FGF12: variants seen among roughly 807,000 people sequenced by gnomAD.
FGF12 encodes the protein fibroblast growth factor 12B.
A neutral mutation model predicts 23.6 loss-of-function variants in FGF12; 14 were observed. The ratio of observed to expected loss-of-function variants is 0.59; its 90% CI spans 0.39 to 0.93. FGF12 has a LOEUF of 0.93. Among genes scored for constraint, FGF12 ranks in the 40% least tolerant of loss-of-function variants. The pLI, the probability that FGF12 is intolerant of heterozygous loss-of-function variation, is 0.00. For missense variants in FGF12, 175 were observed against 217.8 expected, an observed-to-expected ratio of 0.80 and a Z score of 1.24; for synonymous variants, 62 against 77.3, an observed-to-expected ratio of 0.80 and a Z score of 1.04.
At chr3:192,517,390 A>T (rs998226226) in intron 2 of FGF12, among the ~76,000 whole-genome samples, 2 of 152,226 alleles carry the variant, frequency 1.3e-5, no homozygotes, top group African/African-American at 2.4e-5. Flanking sequence ...GGAAGCATTT[A>T]TGTGTGAGTC....
At chr3:192,669,139 G>A (rs550614440) in intron 2 of FGF12, among the ~76,000 whole-genome samples, 75 of 152,162 alleles carry the variant, frequency 4.9e-4, no homozygotes, top group Non-Finnish European at 8.1e-4. Context: ...ACGCTAAATC[G>A]TATATGTTAG....
chr3:192,433,703 T>G (rs562864369), intron 2 of FGF12, among the ~76,000 whole-genome samples: 1 of 152,260 alleles, frequency 6.6e-6, no homozygotes, highest in Admixed American at 6.5e-5. Flanking sequence ...TTTAGACTAG[T>G]ATCAAATTTG....
intron 2 of FGF12, among the ~76,000 whole-genome samples, chr3:192,428,359 C>G (rs1392037023): frequency 6.6e-6 from 1 of 152,124 alleles, no homozygotes; most frequent in Non-Finnish European, 1.5e-5. Context: ...AAGGGGGAAA[C>G]AGTTCACATG....
chr3:192,622,074 T>C (rs576175599), intron 2 of FGF12, among the ~76,000 whole-genome samples: 1 of 152,266 alleles, frequency 6.6e-6, no homozygotes, highest in South Asian at 2.1e-4. Flanking sequence ...AATTTTGCTG[T>C]TGTCAAATGG....
chr3:192,556,280 G>A (rs1711770185), intron 2 of FGF12, among the ~76,000 whole-genome samples: 1 of 152,078 alleles, frequency 6.6e-6, no homozygotes, highest in Admixed American at 6.5e-5. Flanking sequence ...AACAAATCTT[G>A]CTTTAGATTT....
rs145700010 is a variant in FGF12, at chr3:192,491,146, C to A, written c.14-130608G>T. On this transcript the variant is annotated intron_variant, in intron 2 of 5. Transcript: ENST00000445105. ...TGGTTCCTTCTTCACTTCTATTTAA[C>A]CTTTTTCTCTCTTATTCCTCCATAG... Among the ~76,000 whole-genome samples the A allele has an allele frequency of 7.5e-3, 1,139 of 152,264 alleles. 8 individuals carry two copies. Among genetic ancestry groups the A allele is most frequent in the African/African-American group, 9.3e-3 (385 of 41,568 alleles).
At chr3:192,645,536 A>G (rs1363345590) in intron 2 of FGF12, among the ~76,000 whole-genome samples, 3 of 152,086 alleles carry the variant, frequency 2.0e-5, no homozygotes, top group Non-Finnish European at 4.4e-5. Flanking sequence ...GTCCAGTTTC[A>G]GAACTGCTGA....
chr3:192,385,066 G>A (rs958896472), intron 2 of FGF12, among the ~76,000 whole-genome samples: 5 of 152,264 alleles, frequency 3.3e-5, no homozygotes, highest in Middle Eastern at 3.4e-3. Context: ...CAGGAAGCAG[G>A]TACATAGACT....
intron 2 of FGF12, among the ~76,000 whole-genome samples, chr3:192,372,027 C>A (rs904056380): frequency 6.6e-6 from 1 of 151,558 alleles, no homozygotes; most frequent in Non-Finnish European, 1.5e-5. Context: ...CCTCCTGTCA[C>A]AAAAAAAAGT....
intron 2 of FGF12, among the ~76,000 whole-genome samples, chr3:192,532,158 T>C (rs1725103998): frequency 6.6e-6 from 1 of 152,196 alleles, no homozygotes; most frequent in Non-Finnish European, 1.5e-5. Flanking sequence ...TATAGTCTTG[T>C]AGTATAATTT....
At chr3:192,459,843 G>A (rs1245949292) in intron 2 of FGF12, among the ~76,000 whole-genome samples, 1 of 151,222 alleles carries the variant, frequency 6.6e-6, no homozygotes, top group African/African-American at 2.4e-5. Flanking sequence ...TGTTTAGTGT[G>A]TGTGTGTGTG....
chr3:192,675,957 G>C (rs1002815017), intron 2 of FGF12, among the ~76,000 whole-genome samples: 2 of 152,080 alleles, frequency 1.3e-5, no homozygotes, highest in African/African-American at 4.8e-5. Flanking sequence ...CACCACACCA[G>C]GTGGTCAGAC....
chr3:192,698,808 C>T (rs1718205995), intron 2 of FGF12, among the ~76,000 whole-genome samples: 1 of 152,058 alleles, frequency 6.6e-6, no homozygotes, highest in South Asian at 2.1e-4. Flanking sequence ...ACAGATCTTC[C>T]CCCAAAAGGT....
At chr3:192,394,085 C>T (rs941546040) in intron 2 of FGF12, among the ~76,000 whole-genome samples, 1 of 152,192 alleles carries the variant, frequency 6.6e-6, no homozygotes, top group Non-Finnish European at 1.5e-5. Context: ...AGAAATAAGT[C>T]TCCAGCTTTC....
chr3:192,567,885 T>C (rs928420594), intron 2 of FGF12, among the ~76,000 whole-genome samples: 1 of 151,358 alleles, frequency 6.6e-6, no homozygotes, highest in African/African-American at 2.4e-5. Flanking sequence ...CAGGCTGGAG[T>C]GCAGTGGCGC....
intron 4 of FGF12, among the ~76,000 whole-genome samples, chr3:192,230,237 GA>G (rs1397451872): frequency 2.6e-5 from 4 of 152,172 alleles, no homozygotes; most frequent in African/African-American, 9.6e-5. Context: ...AAAATGTTTT[GA>G]TATCCCAATT....
chr3:192,414,086 A>C (rs1721275340), intron 2 of FGF12, among the ~76,000 whole-genome samples: 1 of 152,220 alleles, frequency 6.6e-6, no homozygotes, highest in Non-Finnish European at 1.5e-5. Flanking sequence ...AAGAGAACAG[A>C]TTTAATTCCT....
At chr3:192,296,129 T>G (rs1273558318) in intron 4 of FGF12, among the ~76,000 whole-genome samples, 2 of 145,204 alleles carry the variant, frequency 1.4e-5, no homozygotes, top group African/African-American at 5.0e-5. Flanking sequence ...TGGTCTTAAA[T>G]TCCTGACCTC....
intron 4 of FGF12, among the ~76,000 whole-genome samples, chr3:192,314,206 T>A (rs1716108766): frequency 6.6e-6 from 1 of 152,134 alleles, no homozygotes; most frequent in African/African-American, 2.4e-5. Context: ...TCTGTGATAA[T>A]TTGTCAAAGC....
Sources: allele counts gnomAD v4.1 joint callset (sites outside exome capture counted in the v4.1 genomes callset), GRCh38; gene constraint gnomAD v4.1.1; transcripts MANE v1.5; gene names NCBI Gene and HGNC (gene_info 2026-07-23, HGNC 2026-07-21).